The following PTPRT variants were observed in gnomAD, a reference collection of about 807,000 sequenced individuals.
The protein encoded by PTPRT is receptor-type tyrosine-protein phosphatase T.
In PTPRT, 56 loss-of-function variants were observed where a neutral mutation model predicts 176.8. The ratio of observed to expected loss-of-function variants is 0.32; its 90% confidence interval spans 0.26 to 0.40. The LOEUF is 0.40. Ranked by LOEUF, PTPRT falls within the 10% of genes least tolerant of loss-of-function variation. PTPRT has a pLI of 1.00. For synonymous variants in PTPRT, 783 were observed against 739.0 expected, an observed-to-expected ratio of 1.06 and a Z score of -0.96; for missense variants, 1,540 against 1,908.2, an observed-to-expected ratio of 0.81 and a Z score of 3.60.
At chr20:42,140,178 CA>C (rs1419422854) in intron 18 of PTPRT, among the ~76,000 whole-genome samples, 1 of 151,952 alleles carries the variant, frequency 6.6e-6, no homozygotes, top group African/African-American at 2.4e-5. Flanking sequence ...CAAAACAAAA[CA>C]AAACAAAACT....
chr20:42,403,932 C>T (rs569247479), intron 9 of PTPRT, among the ~76,000 whole-genome samples: 2 of 152,026 alleles, frequency 1.3e-5, no homozygotes, highest in Non-Finnish European at 2.9e-5. Flanking sequence ...ACCTCCTCAC[C>T]CCTCTAGGCC....
intron 9 of PTPRT, among the ~76,000 whole-genome samples, chr20:42,352,872 T>C (rs1006866231): frequency 6.6e-6 from 1 of 152,046 alleles, no homozygotes; most frequent in Admixed American, 6.6e-5. Flanking sequence ...CAAAAAATTT[T>C]TAAAAAAAGA....
intron 17 of PTPRT, among the ~76,000 whole-genome samples, chr20:42,156,145 A>G (rs530827977): frequency 1.3e-5 from 2 of 152,034 alleles, no homozygotes; most frequent in Middle Eastern, 3.4e-3. Flanking sequence ...CCTACTTCTC[A>G]AGCTTCGGTT....
intron 7 of PTPRT, among the ~76,000 whole-genome samples, chr20:42,551,615 TAGAA>T (rs770127382): frequency 6.6e-6 from 1 of 152,152 alleles, no homozygotes. Context: ...ACATCTGTGA[TAGAA>T]AGAAGTTTGA....
intron 1 of PTPRT, among the ~76,000 whole-genome samples, chr20:42,915,788 A>C (rs1427357187): frequency 6.6e-6 from 1 of 151,460 alleles, no homozygotes; most frequent in Non-Finnish European, 1.5e-5. Flanking sequence ...CTGTAGATAC[A>C]GGGTTTTGCC....
At chr20:43,159,652 C>T (rs1181641579) in intron 1 of PTPRT, among the ~76,000 whole-genome samples, 1 of 152,132 alleles carries the variant, frequency 6.6e-6, no homozygotes, top group Non-Finnish European at 1.5e-5. Context: ...CAGAAGGGCA[C>T]TTTGTGTTTT....
At chr20:42,282,240 A>C (rs1311088081) in intron 13 of PTPRT, among the ~76,000 whole-genome samples, 3 of 152,154 alleles carry the variant, frequency 2.0e-5, no homozygotes, top group Non-Finnish European at 4.4e-5. Context: ...GTACCAGTCC[A>C]TCCTTTTACA....
At chr20:43,187,476 G>GA (rs980068223) in intron 1 of PTPRT, among the ~76,000 whole-genome samples, 46 of 151,330 alleles carry the variant, frequency 3.0e-4, no homozygotes, top group African/African-American at 8.7e-4. Flanking sequence ...GAACCCTGGG[G>GA]AAAAAAAATC....
chr20:42,650,453 C>A (rs1409211268), intron 7 of PTPRT, among the ~76,000 whole-genome samples: 3 of 152,142 alleles, frequency 2.0e-5, no homozygotes, highest in African/African-American at 7.2e-5. Flanking sequence ...AATCTGTCAC[C>A]TCCATCAATC....
At chr20:42,057,125 G>A in the PTPRT span, among the ~76,000 whole-genome samples, 4 of 152,182 alleles carry the variant, frequency 2.6e-5, no homozygotes, top group South Asian at 2.1e-4. Flanking sequence ...ATGAAGACAG[G>A]CCCATCCATG....
At chr20:42,465,611 TTA>T (rs2071089664) in intron 8 of PTPRT, among the ~76,000 whole-genome samples, 1 of 152,102 alleles carries the variant, frequency 6.6e-6, no homozygotes, top group East Asian at 1.9e-4. Context: ...AAGAAAAGTA[TTA>T]CATATTTTTT....
At chr20:42,911,876 A>G (rs946996396) in intron 1 of PTPRT, among the ~76,000 whole-genome samples, 1 of 151,958 alleles carries the variant, frequency 6.6e-6, no homozygotes, top group African/African-American at 2.4e-5. Context: ...ACATTACAGT[A>G]TCAGAAATAT....
intron 7 of PTPRT, among the ~76,000 whole-genome samples, chr20:42,638,701 ATTTC>A (rs2074667062): frequency 1.3e-5 from 2 of 152,156 alleles, no homozygotes; most frequent in South Asian, 2.1e-4. Flanking sequence ...AACCAGTAAA[ATTTC>A]TTTATTTTTT....
At chr20:42,753,762 C>A (rs540947040) in intron 6 of PTPRT, among the ~76,000 whole-genome samples, 1 of 152,222 alleles carries the variant, frequency 6.6e-6, no homozygotes, top group African/African-American at 2.4e-5. Context: ...GCCACCTCTC[C>A]GAATAAAGCA....
At chr20:42,492,845 G>T (rs6102859) in intron 7 of PTPRT, among the ~76,000 whole-genome samples, 3 of 152,010 alleles carry the variant, frequency 2.0e-5, no homozygotes, top group Non-Finnish European at 4.4e-5. Context: ...GTGCTCAAAA[G>T]AATGACTTTC....
intron 15 of PTPRT, among the ~76,000 whole-genome samples, chr20:42,214,120 A>C (rs2146754187): frequency 6.6e-6 from 1 of 152,298 alleles, no homozygotes; most frequent in South Asian, 2.1e-4. Context: ...GAAGTAACCC[A>C]TGGAAAGCCA....
intron 26 of PTPRT, among the ~76,000 whole-genome samples, chr20:42,099,008 G>T (rs1223952359): frequency 1.3e-5 from 2 of 152,248 alleles, no homozygotes; most frequent in Non-Finnish European, 2.9e-5. Flanking sequence ...CTCCAGGCTG[G>T]AGTGAGGGGC....
At chr20:42,482,874 T>C (rs2071410546) in intron 7 of PTPRT, among the ~76,000 whole-genome samples, 2 of 152,076 alleles carry the variant, frequency 1.3e-5, no homozygotes, top group Non-Finnish European at 2.9e-5. Context: ...TTAACAAAAA[T>C]AGACATAATT....
At chr20:42,430,075 T>C (rs547508319) in intron 9 of PTPRT, among the ~76,000 whole-genome samples, 44 of 152,370 alleles carry the variant, frequency 2.9e-4, no homozygotes, top group African/African-American at 8.2e-4. Flanking sequence ...CTGTATAATC[T>C]GTATTTTAGC....
Sources: allele counts gnomAD v4.1 joint callset (sites outside exome capture counted in the v4.1 genomes callset), GRCh38; gene constraint gnomAD v4.1.1; transcripts MANE v1.5; gene names NCBI Gene and HGNC (gene_info 2026-07-23, HGNC 2026-07-21).